The following HECW2 variants were observed in gnomAD, a reference collection of about 807,000 sequenced individuals.
The protein encoded by HECW2 is E3 ubiquitin-protein ligase HECW2.
In HECW2, 61 loss-of-function variants were observed where a neutral mutation model predicts 175.2. The ratio of observed to expected loss-of-function variants is 0.35; its 90% CI spans 0.28 to 0.43. The LOEUF (loss-of-function observed/expected upper bound fraction) is 0.43. HECW2 is among the 20% of genes least tolerant of loss of function. The pLI is 1.00. For missense variants in HECW2, 1,524 were observed against 2,000.5 expected, an observed-to-expected ratio of 0.76 and a Z score of 4.54; for synonymous variants, 671 against 731.0, an observed-to-expected ratio of 0.92 and a Z score of 1.32.
At chr2:196,499,219 T>C (rs1320585862) in intron 1 of HECW2, among the ~76,000 whole-genome samples, 1 of 152,044 alleles carries the variant, frequency 6.6e-6, no homozygotes, top group Non-Finnish European at 1.5e-5. Flanking sequence ...CCCATTGGGC[T>C]GTAACATGAT....
chr2:196,318,918 T>C lies in HECW2; in HGVS notation c.1972A>G (p.Thr658Ala), dbSNP rs748007524. The change falls in exon 9 of 29, where the codon ACA becomes GCA. Residue 658 changes from threonine (T) to alanine (A), a missense_variant. Around this residue, in one of 11 missense-constraint regions of HECW2, gnomAD observed 604 missense variants for 588.3 expected, o/e 1.03. Coordinates refer to ENST00000644978, the MANE Select transcript of HECW2 (RefSeq NM_001348768.2). ...GCGCTCTCAAGAGAGGAGCACCGTG[T>C]GTCCACAGAGGACAGCTGCGTGGTC... ...SVTTQLSSVD[T>A]RCSSLESARF... is the part of the protein sequence containing the mutation. The C allele has an allele frequency of 6.3e-7, 1 of 1,589,812 alleles. No individual in the cohort carries two copies. Among genetic ancestry groups the C allele is most frequent in the Non-Finnish European group, 8.6e-7 (1 of 1,168,360 alleles).
At chr2:196,221,850 G>A (rs1041715207) in intron 24 of HECW2, among the ~76,000 whole-genome samples, 3 of 152,100 alleles carry the variant, frequency 2.0e-5, no homozygotes, top group Non-Finnish European at 4.4e-5. Context: ...ATGAGCCACC[G>A]TGCCCAGCCA....
intron 13 of HECW2, among the ~76,000 whole-genome samples, chr2:196,296,981 T>C (rs557734787): frequency 6.6e-6 from 1 of 152,322 alleles, no homozygotes; most frequent in Non-Finnish European, 1.5e-5. Flanking sequence ...TTGCTTATCT[T>C]ACAGAAAAAG....
intron 22 of HECW2, among the ~76,000 whole-genome samples, chr2:196,227,413 A>G (rs1446502660): frequency 6.6e-6 from 1 of 152,140 alleles, no homozygotes; most frequent in Admixed American, 6.5e-5. Flanking sequence ...TTCAGCATAA[A>G]TAATCTTCAG....
intron 2 of HECW2, among the ~76,000 whole-genome samples, chr2:196,398,083 A>G (rs904814423): frequency 1.9e-5 from 2 of 104,022 alleles, no homozygotes; most frequent in Admixed American, 2.6e-4. Context: ...AAGGGGAAAA[A>G]AGTGAGTGTA....
intron 23 of HECW2, among the ~76,000 whole-genome samples, chr2:196,222,675 G>A (rs747675525): frequency 2.0e-5 from 3 of 151,996 alleles, no homozygotes; most frequent in Non-Finnish European, 2.9e-5. Context: ...ACTGGCACTC[G>A]GGTTGACAAC....
At chr2:196,387,471 C>A (rs1284992227) in intron 2 of HECW2, among the ~76,000 whole-genome samples, 2 of 152,170 alleles carry the variant, frequency 1.3e-5, no homozygotes, top group African/African-American at 4.8e-5. Flanking sequence ...TAGGTCCTCA[C>A]TGGACACCGA....
chr2:196,355,224 G>T (rs912259695), intron 2 of HECW2, among the ~76,000 whole-genome samples: 2 of 152,186 alleles, frequency 1.3e-5, no homozygotes, highest in Admixed American at 1.3e-4. Context: ...CAGACTTCAA[G>T]ATTTCCAAAG....
chr2:196,330,546 C>T (rs950644947), intron 4 of HECW2, among the ~76,000 whole-genome samples: 2 of 152,176 alleles, frequency 1.3e-5, no homozygotes, highest in Admixed American at 1.3e-4. Context: ...AGGCCTTGGG[C>T]TTTTATCTCC....
intron 2 of HECW2, among the ~76,000 whole-genome samples, chr2:196,376,947 T>C (rs953720031): frequency 6.6e-6 from 1 of 151,822 alleles, no homozygotes; most frequent in African/African-American, 2.4e-5. Flanking sequence ...AAAAAATCAA[T>C]ACATAAAAAT....
chr2:196,330,618 C>T (rs1692322304), intron 4 of HECW2, among the ~76,000 whole-genome samples: 1 of 152,108 alleles, frequency 6.6e-6, no homozygotes, highest in African/African-American at 2.4e-5. Flanking sequence ...CAATCCCCAC[C>T]CTCAATATGT....
chr2:196,397,061 G>C (rs1039028370), intron 2 of HECW2, among the ~76,000 whole-genome samples: 2 of 152,118 alleles, frequency 1.3e-5, no homozygotes, highest in African/African-American at 4.8e-5. Flanking sequence ...GCAGTGAGCC[G>C]AGATGGCGCC....
intron 20 of HECW2, 118 bp from the exon 21 acceptor site, chr2:196,240,680 C>T (rs1559457602): frequency 1.0e-6 from 1 of 996,880 alleles, no homozygotes; most frequent in Non-Finnish European, 1.4e-6. Flanking sequence ...AAGAATGTTA[C>T]TTAATATCAT....
At chr2:196,477,977 G>A (rs1686711425) in intron 1 of HECW2, among the ~76,000 whole-genome samples, 1 of 152,128 alleles carries the variant, frequency 6.6e-6, no homozygotes, top group Non-Finnish European at 1.5e-5. Context: ...ACTTGAACCT[G>A]GGAGGCGGAG....
At chr2:196,358,807 C>T (rs371960217) in intron 2 of HECW2, among the ~76,000 whole-genome samples, 1 of 151,870 alleles carries the variant, frequency 6.6e-6, no homozygotes, top group African/African-American at 2.4e-5. Flanking sequence ...TTTCTTAATC[C>T]ATAGATGCCA....
At chr2:196,586,995 A>G (rs1320098116) in intron 1 of HECW2, among the ~76,000 whole-genome samples, 2 of 152,196 alleles carry the variant, frequency 1.3e-5, no homozygotes, top group African/African-American at 4.8e-5. Context: ...AGTTTTGTCA[A>G]TAACTTCTGG....
intron 2 of HECW2, among the ~76,000 whole-genome samples, chr2:196,387,416 T>C (rs1000863118): frequency 1.3e-5 from 2 of 152,176 alleles, no homozygotes; most frequent in Non-Finnish European, 2.9e-5. Flanking sequence ...GCCTTTCTGC[T>C]CTTCCACCAT....
intron 1 of HECW2, among the ~76,000 whole-genome samples, chr2:196,491,234 C>T (rs558444852): frequency 2.0e-5 from 3 of 151,978 alleles, no homozygotes; most frequent in Admixed American, 6.6e-5. Context: ...TGCAGTGGCT[C>T]ACACCTGTAA....
chr2:196,414,219 G>C (rs942769938), intron 2 of HECW2, among the ~76,000 whole-genome samples: 4 of 152,188 alleles, frequency 2.6e-5, no homozygotes, highest in Admixed American at 2.6e-4. Context: ...GCTTGACTCA[G>C]AAGCAACAGA....
Sources: allele counts gnomAD v4.1 joint callset (sites outside exome capture counted in the v4.1 genomes callset), GRCh38; gene constraint gnomAD v4.1.1; regional missense constraint gnomAD v4.1.1; transcripts MANE v1.5; gene names NCBI Gene and HGNC (gene_info 2026-07-23, HGNC 2026-07-21).